The following SCNN1A variants were observed in gnomAD, a reference collection of about 807,000 sequenced individuals.
The protein encoded by SCNN1A is epithelial sodium channel subunit alpha.
Under a neutral mutation model 68.6 loss-of-function variants are expected in SCNN1A, and 65 were observed. The ratio of observed to expected loss-of-function variants is 0.95; its 90% confidence interval spans 0.78 to 1.16. The LOEUF (loss-of-function observed/expected upper bound fraction) is 1.16, where lower values mean the gene tolerates loss of function less well. Among genes scored for constraint, SCNN1A ranks in the 50% most tolerant of loss-of-function variants. SCNN1A has a pLI of 0.00. For missense variants in SCNN1A, 880 were observed against 865.9 expected (o/e 1.02, Z -0.20); for synonymous variants, 357 against 353.3 (o/e 1.01, Z -0.12).
rs7968695 is a variant in SCNN1A, at chr12:6,372,810, C to T, written c.416+1558G>A. Among the ~76,000 whole-genome samples the T allele has an allele frequency of 0.6, 91,697 of 151,578 alleles. 27,851 individuals carry two copies. The highest frequency in any genetic ancestry group is 0.75 in the Middle Eastern group (218 of 292). On this transcript the variant is annotated intron_variant, in intron 2 of 12. Transcript: ENST00000228916. The surrounding 1 kb of genome is among the most constrained non-coding windows in gnomAD (Gnocchi z 5.8). ...GACCCAAGAGAGCTCTGAAATGAGG[C>T]GGAAGCCACATCTGACTGGAAGTTT...
upstream of SCNN1A, chr12:6,376,264 C>G: frequency 1.1e-6 from 1 of 877,288 alleles, no homozygotes; most frequent in Non-Finnish European, 1.4e-6. Flanking sequence ...CCCCCTCCAA[C>G]CTTGTCCAGA....
intron 4 of SCNN1A, among the ~76,000 whole-genome samples, chr12:6,359,764 C>CTTTTTTTTTTTT (rs59652159): frequency 1.3e-5 from 1 of 76,932 alleles, no homozygotes; most frequent in African/African-American, 5.8e-5. Context: ...TCAGATATTC[C>CTTTTTTTTTTTT]TTTTTTTTTT....
chr12:6,350,969 G>A (rs1013926837), intron 8 of SCNN1A, among the ~76,000 whole-genome samples: 18 of 152,118 alleles, frequency 1.2e-4, no homozygotes, highest in Non-Finnish European at 2.1e-4. Flanking sequence ...ATGTCACTTC[G>A]GAAAACAGCC....
intron 4 of SCNN1A, among the ~76,000 whole-genome samples, chr12:6,359,194 T>TATATTAAAAATCACTAAATTATAC (rs1487449518): frequency 6.6e-6 from 1 of 152,148 alleles, no homozygotes; most frequent in African/African-American, 2.4e-5. Context: ...CAACTCCAAA[T>TATATTAAAAATCACTAAATTATAC]ATATTAAAAA....
Position 6,348,089 on chromosome 12 carries a change from C to A in SCNN1A, c.1794G>T (p.Gly598=). The A allele has an allele frequency of 6.2e-7, 1 of 1,614,144 alleles. No homozygotes were observed. The highest frequency in any genetic ancestry group is 2.2e-5 in the East Asian group (1 of 44,870). Residue 598 remains glycine, a synonymous_variant, in exon 13 of 13, where the codon GGG becomes GGT. Transcript: ENST00000228916. Reference sequence around the variant, plus strand: ...AGGCTACCTCCTGAGCACCCCTGCCCCCTCGGCCTGGAGACCAGTATCGGC... The same window carrying A: ...AGGCTACCTCCTGAGCACCCCTGCCACCTCGGCCTGGAGACCAGTATCGGC... ...FRSRYWSPGR[G]GRGAQEVAST...
chr12:6,372,123 C>T lies in SCNN1A; in HGVS notation c.416+2245G>A, dbSNP rs900822381. 2.6e-5 allele frequency among the ~76,000 whole-genome samples: 4 copies of T among 152,198 alleles called. No individual in the cohort carries two copies. The highest frequency in any genetic ancestry group is 7.2e-5 in the African/African-American group (3 of 41,444). ...CCTCCCAAAGTGCTGGGATTACAGG[C>T]GTGAGGCACCATGCCCAGCGGTTAT... is the stretch of plus-strand genomic sequence containing the variant. On this transcript the variant is annotated intron_variant, in intron 2 of 12. Transcript: ENST00000228916. This position sits in a 1 kb window ranked among gnomAD's most constrained non-coding sequence, Gnocchi z 5.8.
At chr12:6,362,028 G>C (rs767493881) in intron 4 of SCNN1A, 23 bp downstream of exon 4, 1 of 1,613,164 alleles carries the variant, frequency 6.2e-7, no homozygotes, top group Non-Finnish European at 8.5e-7. Flanking sequence ...CGGAGAGCAA[G>C]GAGCCAGGCA....
intron 2 of SCNN1A, among the ~76,000 whole-genome samples, chr12:6,368,576 G>A (rs1412266968): frequency 6.6e-6 from 1 of 152,206 alleles, no homozygotes; most frequent in Non-Finnish European, 1.5e-5. Flanking sequence ...TATACCGTTA[G>A]CCACTGTTAG....
chr12:6,352,283 T>C (rs565798658), intron 8 of SCNN1A, among the ~76,000 whole-genome samples: 1 of 152,300 alleles, frequency 6.6e-6, no homozygotes, highest in African/African-American at 2.4e-5. Flanking sequence ...TCCTCCCCTA[T>C]TTCCCAAATT....
At position 6,362,171 on chromosome 12, in the gene SCNN1A, TA is replaced by T. The variant is rs769580746; in HGVS notation, c.754del (p.Tyr252ThrfsTer79). Reference protein sequence around the residue: ...SSGVDAVREWYRFHYINILSR... With the variant: ...SSGVDAVREWXRFHYINILSR... ...CAGGATGTTGATGTAGTGGAAGCGG[TA>T]CCACTCCCTCACCGCATCCACCCCT... On this transcript the variant is annotated frameshift_variant, in exon 4 of 13. Coordinates refer to ENST00000228916, the MANE Select transcript of SCNN1A (RefSeq NM_001038.6). LOFTEE classifies it high-confidence loss of function. 2.2e-5 allele frequency: 35 copies of T among 1,614,044 alleles called. No individual in the cohort carries two copies. The highest frequency in any genetic ancestry group is 3.0e-5 in the Non-Finnish European group (35 of 1,180,012).
In SCNN1A at chr12:6,367,346, G is replaced by A. The variant is rs537507047; in HGVS notation, c.417-3636C>T. Among the ~76,000 whole-genome samples the A allele has an allele frequency of 2.6e-5, 4 of 152,274 alleles. No homozygotes were observed. In the South Asian group the frequency reaches 6.2e-4, roughly 24 times the overall value. On this transcript the variant is annotated intron_variant, in intron 2 of 12. Transcript: ENST00000228916. ...ATTATTTAATTGTTAAAAGAAGAAC[G>A]TTAGGCAAAATTAAATTTAACAGAG... is the stretch of plus-strand genomic sequence containing the variant.
intron 8 of SCNN1A, among the ~76,000 whole-genome samples, chr12:6,352,213 A>T (rs1948400684): frequency 6.6e-6 from 1 of 151,538 alleles, no homozygotes; most frequent in Non-Finnish European, 1.5e-5. Context: ...TGGGATATAA[A>T]TTATCTCAAT....
intron 2 of SCNN1A, among the ~76,000 whole-genome samples, chr12:6,369,124 G>A (rs76185214): frequency 1.4e-4 from 21 of 152,136 alleles, no homozygotes; most frequent in Admixed American, 3.9e-4. Context: ...TCCCCAGGCT[G>A]GCTCAAGTCC....
At chr12:6,366,785 A>T (rs1212004318) in intron 2 of SCNN1A, among the ~76,000 whole-genome samples, 2 of 149,752 alleles carry the variant, frequency 1.3e-5, no homozygotes, top group Non-Finnish European at 3.0e-5. Flanking sequence ...GGGCAACCAG[A>T]GCGAAACTCC....
chr12:6,369,258 G>GCTGCCACCCTACTCACCTCCCTC (rs1948734919), intron 2 of SCNN1A, among the ~76,000 whole-genome samples: 1 of 126,122 alleles, frequency 7.9e-6, no homozygotes, highest in African/African-American at 3.4e-5. Flanking sequence ...CCTCCTCCAT[G>GCTGCCACCCTACTCACCTCCCTC]CTGCCACCCT....
intron 2 of SCNN1A, among the ~76,000 whole-genome samples, chr12:6,371,673 C>T (rs1948796714): frequency 6.6e-6 from 1 of 151,700 alleles, no homozygotes; most frequent in African/African-American, 2.4e-5. Context: ...TTTCCTCATC[C>T]ATAAAATAAG....
intron 4 of SCNN1A, among the ~76,000 whole-genome samples, chr12:6,356,619 G>T (rs1948502163): frequency 6.6e-6 from 1 of 152,232 alleles, no homozygotes; most frequent in African/African-American, 2.4e-5. Flanking sequence ...ATCTGTGACA[G>T]GTGTGGGGAC....
At chr12:6,354,639 C>A in intron 7 of SCNN1A, 84 bp from the exon 8 acceptor site, 2 of 1,415,424 alleles carry the variant, frequency 1.4e-6, no homozygotes, top group Non-Finnish European at 1.0e-6. Flanking sequence ...CCTCTTTCCA[C>A]CACCCCCCAG....
intron 2 of SCNN1A, chr12:6,364,108 C>G (rs1592076844): frequency 6.0e-6 from 1 of 165,440 alleles, no homozygotes; most frequent in Non-Finnish European, 1.3e-5. Flanking sequence ...GCCCTGATCC[C>G]CGCAGGCGAG....
Sources: allele counts gnomAD v4.1 joint callset (sites outside exome capture counted in the v4.1 genomes callset), GRCh38; gene constraint gnomAD v4.1.1; non-coding constraint Gnocchi (gnomAD v3.1); transcripts MANE v1.5; gene names NCBI Gene and HGNC (gene_info 2026-07-23, HGNC 2026-07-21).